Variants in AGBL4 observed in about 807,000 individuals in gnomAD.
AGBL4 encodes the protein AGBL carboxypeptidase 4.
In AGBL4, 58 loss-of-function variants were observed where a neutral mutation model predicts 66.4. The observed-to-expected ratio is 0.87, with a 90% CI of 0.71 to 1.09. The LOEUF is 1.09. AGBL4 is among the 50% of genes least tolerant of loss of function. The pLI is 0.00. For missense variants in AGBL4, 579 were observed against 631.0 expected, an observed-to-expected ratio of 0.92 and a Z score of 0.88; for synonymous variants, 234 against 222.9, an observed-to-expected ratio of 1.05 and a Z score of -0.44.
At chr1:49,638,843 A>G (rs541010515) in intron 3 of AGBL4, among the ~76,000 whole-genome samples, 1 of 152,322 alleles carries the variant, frequency 6.6e-6, no homozygotes, top group South Asian at 2.1e-4. Context: ...AAATTGACCA[A>G]TACAAGTACT....
chr1:49,936,868 C>G (rs543950702), intron 1 of AGBL4, among the ~76,000 whole-genome samples: 93 of 152,274 alleles, frequency 6.1e-4, no homozygotes, highest in African/African-American at 1.8e-3. Context: ...ACAACCGGTA[C>G]CAGCCACTAC....
At chr1:48,752,485 A>G (rs1651901883) in intron 6 of AGBL4, among the ~76,000 whole-genome samples, 1 of 152,180 alleles carries the variant, frequency 6.6e-6, no homozygotes, top group South Asian at 2.1e-4. Context: ...CATGGTTGTA[A>G]AACAGAGTGT....
intron 3 of AGBL4, among the ~76,000 whole-genome samples, chr1:49,662,915 T>A (rs185434593): frequency 6.6e-6 from 1 of 152,160 alleles, no homozygotes; most frequent in East Asian, 1.9e-4. Context: ...CAACTGCAAA[T>A]CTGTGTAGAA....
At chr1:49,970,943 C>T (rs1000001606) in intron 1 of AGBL4, among the ~76,000 whole-genome samples, 1 of 152,092 alleles carries the variant, frequency 6.6e-6, no homozygotes, top group African/African-American at 2.4e-5. Context: ...GCCTCTTTAA[C>T]GCAGGGAATG....
chr1:49,790,363 C>CAAAAAAAA (rs11313463), intron 2 of AGBL4, among the ~76,000 whole-genome samples: 2 of 99,010 alleles, frequency 2.0e-5, no homozygotes, highest in Non-Finnish European at 4.0e-5. Flanking sequence ...GATTCTATCT[C>CAAAAAAAA]AAAAAAAAAA....
intron 8 of AGBL4, among the ~76,000 whole-genome samples, chr1:48,652,752 G>A (rs1327361240): frequency 1.3e-5 from 2 of 152,144 alleles, no homozygotes; most frequent in Non-Finnish European, 2.9e-5. Context: ...ATTTTAGGCT[G>A]TAAATTATGG....
chr1:48,946,573 A>G (rs944012849), intron 5 of AGBL4, among the ~76,000 whole-genome samples: 1 of 151,840 alleles, frequency 6.6e-6, no homozygotes, highest in Non-Finnish European at 1.5e-5. Context: ...AAGTCTGAGG[A>G]CCCTTCTGTC....
At chr1:48,603,704 C>A (rs958385447) in intron 9 of AGBL4, among the ~76,000 whole-genome samples, 1 of 151,946 alleles carries the variant, frequency 6.6e-6, no homozygotes, top group East Asian at 1.9e-4. Context: ...GAGGCTGTGA[C>A]GAGAATTAGT....
At chr1:48,944,462 G>T (rs1328129163) in intron 5 of AGBL4, among the ~76,000 whole-genome samples, 1 of 152,150 alleles carries the variant, frequency 6.6e-6, no homozygotes, top group Non-Finnish European at 1.5e-5. Context: ...TAGACTGTCA[G>T]AGGAAAAATT....
At chr1:49,864,950 AG>A (rs1305627892) in intron 1 of AGBL4, among the ~76,000 whole-genome samples, 1 of 152,180 alleles carries the variant, frequency 6.6e-6, no homozygotes. Context: ...TGGACCCAGG[AG>A]GAATTCTCCA....
intron 3 of AGBL4, among the ~76,000 whole-genome samples, chr1:49,422,343 A>G (rs1271283430): frequency 6.6e-6 from 1 of 152,194 alleles, no homozygotes; most frequent in Non-Finnish European, 1.5e-5. Flanking sequence ...TGTGGTTTCT[A>G]TGTCTTCACA....
At chr1:49,942,358 A>G (rs1654839250) in intron 1 of AGBL4, among the ~76,000 whole-genome samples, 1 of 152,152 alleles carries the variant, frequency 6.6e-6, no homozygotes, top group South Asian at 2.1e-4. Context: ...TTATGGAACC[A>G]CATAAGACAT....
intron 2 of AGBL4, among the ~76,000 whole-genome samples, chr1:49,714,593 T>TATATATATAC (rs1491300456): frequency 9.8e-4 from 112 of 113,986 alleles, no homozygotes; most frequent in African/African-American, 3.4e-3. Flanking sequence ...TATATATATA[T>TATATATATAC]ACACACACAC....
intron 3 of AGBL4, among the ~76,000 whole-genome samples, chr1:49,509,116 G>A (rs1016027222): frequency 1.3e-5 from 2 of 151,788 alleles, no homozygotes; most frequent in Non-Finnish European, 2.9e-5. Flanking sequence ...TCAGGATGAG[G>A]TGGGGGCAGG....
At chr1:49,044,500 A>G (rs1377489991) in intron 5 of AGBL4, among the ~76,000 whole-genome samples, 1 of 152,076 alleles carries the variant, frequency 6.6e-6, no homozygotes, top group East Asian at 1.9e-4. Context: ...CATCTCAAAA[A>G]AAAAAAGGAA....
At chr1:49,307,921 T>C (rs1423649805) in intron 3 of AGBL4, among the ~76,000 whole-genome samples, 2 of 152,176 alleles carry the variant, frequency 1.3e-5, no homozygotes, top group African/African-American at 2.4e-5. Context: ...CCAAATCACA[T>C]GCGGAACTGT....
At chr1:49,566,712 G>A (rs1170420174) in intron 3 of AGBL4, among the ~76,000 whole-genome samples, 1 of 152,196 alleles carries the variant, frequency 6.6e-6, no homozygotes, top group Admixed American at 6.5e-5. Context: ...GCCCCTACTG[G>A]GAGGTGCCTC....
chr1:49,402,810 G>A (rs1471781390), intron 3 of AGBL4, among the ~76,000 whole-genome samples: 2 of 152,118 alleles, frequency 1.3e-5, no homozygotes, highest in African/African-American at 4.8e-5. Flanking sequence ...CAGGTGATCT[G>A]CCCGCCTTGG....
At chr1:49,016,011 C>T (rs927042667) in intron 5 of AGBL4, among the ~76,000 whole-genome samples, 1 of 152,138 alleles carries the variant, frequency 6.6e-6, no homozygotes, top group Non-Finnish European at 1.5e-5. Context: ...AGAATATAGA[C>T]ACCACCACCC....
Sources: allele counts gnomAD v4.1 joint callset (sites outside exome capture counted in the v4.1 genomes callset), GRCh38; gene constraint gnomAD v4.1.1; transcripts MANE v1.5; gene names NCBI Gene and HGNC (gene_info 2026-07-23, HGNC 2026-07-21).